The following EVL variants were observed in gnomAD, a reference collection of about 807,000 sequenced individuals.
EVL encodes ena/VASP-like protein.
Under a neutral mutation model 59.6 loss-of-function variants are expected in EVL, and 21 were observed. That is an observed-to-expected ratio of 0.35 (90% confidence interval 0.25 to 0.51). The LOEUF is 0.51. EVL is among the 20% of genes least tolerant of loss of function. The pLI, the probability that EVL is intolerant of heterozygous loss-of-function variation, is 0.97. For missense variants in EVL, 462 were observed against 546.6 expected (o/e 0.85, Z 1.54); for synonymous variants, 198 against 203.5 (o/e 0.97, Z 0.23).
At position 100,059,707 on chromosome 14, in the gene EVL, C is replaced by T. The variant is rs114919156; in HGVS notation, c.6-24980C>T. On this transcript the variant is annotated intron_variant, in intron 1 of 13. Transcript: ENST00000402714. The stretch of plus-strand genomic sequence containing the variant: ...GAACTGTCACACTTTAGGAGTAGGA[C>T]TGTGCTCTTGAGTCAGATGGGGGGG... Among the ~76,000 whole-genome samples the T allele has an allele frequency of 5.3e-3, 811 of 151,846 alleles. 7 individuals are homozygous for T. The highest frequency in any genetic ancestry group is 0.018 in the African/African-American group (762 of 41,370).
At chr14:100,041,933 G>T (rs895774764) in intron 1 of EVL, among the ~76,000 whole-genome samples, 2 of 152,104 alleles carry the variant, frequency 1.3e-5, no homozygotes, top group East Asian at 3.8e-4. Context: ...GTGAATAGTT[G>T]TGCACTGATC....
intron 2 of EVL, among the ~76,000 whole-genome samples, chr14:100,095,613 G>A (rs188527714): frequency 4.3e-4 from 66 of 152,182 alleles, no homozygotes; most frequent in African/African-American, 1.5e-3. Flanking sequence ...TATACCCCTG[G>A]CACAAAGAGC....
At chr14:100,133,601 T>A (rs1389694847) in intron 8 of EVL, among the ~76,000 whole-genome samples, 1 of 152,078 alleles carries the variant, frequency 6.6e-6, no homozygotes, top group African/African-American at 2.4e-5. Flanking sequence ...ACCAGCCAAC[T>A]CCCATTCAGC....
chr14:99,997,537 G>A (rs8018455), intron 1 of EVL, among the ~76,000 whole-genome samples: 2,209 of 152,328 alleles, frequency 0.015, 56 homozygotes, highest in African/African-American at 0.05. Flanking sequence ...GGACAAGAAA[G>A]GTATGGGGAG....
At chr14:99,973,180 C>A (rs1484779134) in intron 1 of EVL, among the ~76,000 whole-genome samples, 2 of 152,130 alleles carry the variant, frequency 1.3e-5, no homozygotes, top group Non-Finnish European at 2.9e-5. Context: ...AAAAGATAAG[C>A]ATATCTTTAG....
At chr14:100,080,815 A>C (rs1348940549) in intron 1 of EVL, among the ~76,000 whole-genome samples, 1 of 152,140 alleles carries the variant, frequency 6.6e-6, no homozygotes, top group South Asian at 2.1e-4. Flanking sequence ...GACTGATTTC[A>C]CTCCCCAACT....
At chr14:99,997,285 G>C (rs2060920002) in intron 1 of EVL, among the ~76,000 whole-genome samples, 1 of 152,258 alleles carries the variant, frequency 6.6e-6, no homozygotes, top group Non-Finnish European at 1.5e-5. Context: ...AAGTTAAGAA[G>C]CTGGAAGGGA....
At chr14:100,134,528 G>C (rs1020864360) in intron 8 of EVL, 1 of 152,108 alleles carries the variant, frequency 6.6e-6, no homozygotes, top group African/African-American at 2.4e-5. Context: ...CAGGACTAGC[G>C]TCTAAAGAGA....
At chr14:100,053,505 T>G (rs2061679047) in intron 1 of EVL, among the ~76,000 whole-genome samples, 1 of 151,954 alleles carries the variant, frequency 6.6e-6, no homozygotes, top group Admixed American at 6.6e-5. Flanking sequence ...AGTAACACCC[T>G]ATACGTATAC....
intron 1 of EVL, among the ~76,000 whole-genome samples, chr14:100,024,836 T>C (rs2061183540): frequency 1.3e-5 from 2 of 152,102 alleles, no homozygotes. Flanking sequence ...TTTCCTGTCC[T>C]TTCTTCAGTC....
chr14:100,119,209 T>G (rs1359366872), intron 3 of EVL, among the ~76,000 whole-genome samples: 1 of 152,268 alleles, frequency 6.6e-6, no homozygotes, highest in African/African-American at 2.4e-5. Flanking sequence ...TTTTTCCTTT[T>G]TTAATTTTTG....
chr14:100,015,286 C>T (rs1201248572), intron 1 of EVL, among the ~76,000 whole-genome samples: 3 of 152,200 alleles, frequency 2.0e-5, no homozygotes, highest in Non-Finnish European at 2.9e-5. Context: ...ACATGGGTTG[C>T]AAAACGAAGG....
intron 2 of EVL, among the ~76,000 whole-genome samples, chr14:100,086,163 C>G (rs1380630982): frequency 6.6e-6 from 1 of 152,156 alleles, no homozygotes; most frequent in Non-Finnish European, 1.5e-5. Context: ...TTGGTACCTC[C>G]AAAAGCATCC....
intron 3 of EVL, chr14:100,107,181 C>G (rs1299840115): frequency 7.5e-6 from 3 of 398,636 alleles, no homozygotes; most frequent in Non-Finnish European, 1.3e-5. Flanking sequence ...TTCCATTAAA[C>G]CACTGTAGGT....
At chr14:100,081,903 C>G (rs1325764867) in intron 1 of EVL, among the ~76,000 whole-genome samples, 2 of 152,186 alleles carry the variant, frequency 1.3e-5, no homozygotes, top group African/African-American at 4.8e-5. Context: ...AGTTCAAGAC[C>G]AGCCTGGGCA....
At chr14:100,065,555 G>T in intron 1 of EVL, 44 bp downstream of exon 1, 1 of 1,243,162 alleles carries the variant, frequency 8.0e-7, no homozygotes, top group Non-Finnish European at 1.1e-6. Flanking sequence ...ATGTCAAGAG[G>T]AAACCTAGAA....
rs1595263330 is a variant in EVL at position 100,141,392 on chromosome 14, G to A, written c.1161+146G>A. 4 of 807,702 alleles carry A rather than the reference G, an allele frequency of 5.0e-6. No homozygotes were observed. The East Asian group carries it at 1.1e-4, about 22-fold the overall frequency. The allele number at this position is 807,702 out of a possible 1,614,324, so 50.0% of individuals were successfully genotyped here. On this transcript the variant is annotated intron_variant, in intron 12 of 13. Transcript: ENST00000392920. ...TCAGGGAGCAGCCACGGCAGAAAGG[G>A]GGTGCCCAAGCCTGTCCTTTGTCCC...
intron 1 of EVL, among the ~76,000 whole-genome samples, chr14:100,031,180 A>G (rs1237649916): frequency 6.6e-6 from 1 of 152,174 alleles, no homozygotes; most frequent in Non-Finnish European, 1.5e-5. Context: ...GCCCATTGCA[A>G]TCTAAAGACA....
upstream of EVL, among the ~76,000 whole-genome samples, chr14:100,063,594 T>G (rs2140266995): frequency 6.6e-6 from 1 of 152,304 alleles, no homozygotes; most frequent in South Asian, 2.1e-4. Flanking sequence ...CAGTCACAGT[T>G]GAAGATTTCA....
Sources: gnomAD v4.1 joint callset for allele counts (sites outside exome capture counted in the v4.1 genomes callset) on GRCh38, gnomAD v4.1.1 for gene constraint, MANE v1.5 for transcripts, NCBI Gene and HGNC (gene_info 2026-07-23, HGNC 2026-07-21) for gene names.